Variants in EFCAB6 observed in about 807,000 individuals in gnomAD.
EFCAB6 encodes EF-hand calcium binding domain 6.
Under a neutral mutation model 169.8 loss-of-function variants are expected in EFCAB6, and 156 were observed. The ratio of observed to expected loss-of-function variants is 0.92; its 90% CI spans 0.81 to 1.05. The LOEUF is 1.05. Ranked by LOEUF, EFCAB6 falls within the 50% of genes least tolerant of loss-of-function variation. EFCAB6 has a pLI of 0.00. For synonymous variants in EFCAB6, 698 were observed against 676.4 expected, an observed-to-expected ratio of 1.03 and a Z score of -0.50; for missense variants, 1,800 against 1,829.1, an observed-to-expected ratio of 0.98 and a Z score of 0.29.
chr22:43,559,199 A>G (rs1464396914), intron 26 of EFCAB6, among the ~76,000 whole-genome samples: 1 of 152,266 alleles, frequency 6.6e-6, no homozygotes, highest in Non-Finnish European at 1.5e-5. Flanking sequence ...AAAGTGGGCA[A>G]AGGATATGAA....
chr22:43,792,568 G>A (rs963304526), intron 2 of EFCAB6, among the ~76,000 whole-genome samples: 2 of 152,154 alleles, frequency 1.3e-5, no homozygotes, highest in African/African-American at 4.8e-5. Flanking sequence ...ATTATTTATT[G>A]GGGACTCGCG....
chr22:43,546,943 CAAA>C (rs1366760921), intron 27 of EFCAB6, among the ~76,000 whole-genome samples: 1 of 150,722 alleles, frequency 6.6e-6, no homozygotes, highest in African/African-American at 2.4e-5. Context: ...AAAATATGGT[CAAA>C]AAAAGATATT....
In EFCAB6 at chr22:43,657,212, T is replaced by A. The variant is rs553242364; in HGVS notation, c.1983+9892A>T. Among the ~76,000 whole-genome samples the A allele has an allele frequency of 2.6e-5, 4 of 152,260 alleles. No individual in the cohort carries two copies. In the East Asian group the frequency reaches 7.7e-4, roughly 29 times the overall value. ...CAGGAAGCTGAGGTGGGAGGATTGC[T>A]TCAGCCCCGGAGGTGGAGGCTGTAG... On this transcript the variant is annotated intron_variant, in intron 17 of 31. Coordinates refer to ENST00000262726, the MANE Select transcript of EFCAB6 (RefSeq NM_022785.4).
rs903811699 is a variant in EFCAB6 at position 43,744,315 on chromosome 22, G to A, written c.508-8322C>T. On this transcript the variant is annotated intron_variant, in intron 6 of 31. Transcript: ENST00000262726. This position sits in a 1 kb window ranked among gnomAD's most constrained non-coding sequence, Gnocchi z 4.3. ...ATTGCAAGCCAAGACAATCCTTGTA[G>A]AGACAGGACAGGAACCTGCAAAAAG... 6.6e-6 allele frequency among the ~76,000 whole-genome samples: 1 copy of A among 152,078 alleles called. No homozygotes were observed. Among genetic ancestry groups the A allele is most frequent in the South Asian group, 2.1e-4 (1 of 4,818 alleles).
chr22:43,669,261 CA>C (rs1471335049), intron 15 of EFCAB6, among the ~76,000 whole-genome samples: 1 of 152,140 alleles, frequency 6.6e-6, no homozygotes, highest in African/African-American at 2.4e-5. Context: ...TTGTAACAGC[CA>C]AACATTACAT....
intron 8 of EFCAB6, among the ~76,000 whole-genome samples, chr22:43,726,813 T>C (rs965597793): frequency 6.6e-6 from 1 of 152,174 alleles, no homozygotes; most frequent in African/African-American, 2.4e-5. Flanking sequence ...GAAACAAAGA[T>C]GTCCCACCGC....
intron 24 of EFCAB6, among the ~76,000 whole-genome samples, chr22:43,584,585 C>A (rs1377914880): frequency 6.6e-6 from 1 of 152,046 alleles, no homozygotes; most frequent in Non-Finnish European, 1.5e-5. Context: ...TTCTCTATAA[C>A]AACTTTCCAA....
intron 26 of EFCAB6, among the ~76,000 whole-genome samples, chr22:43,571,593 A>G (rs1201389440): frequency 6.6e-6 from 1 of 152,190 alleles, no homozygotes; most frequent in African/African-American, 2.4e-5. Context: ...CTTCCCCTGC[A>G]GCCGCCCTGG....
chr22:43,661,823 T>C (rs2057015534), intron 17 of EFCAB6, among the ~76,000 whole-genome samples: 1 of 152,074 alleles, frequency 6.6e-6, no homozygotes, highest in Non-Finnish European at 1.5e-5. Flanking sequence ...TTAATAAATA[T>C]AGTTCATAGA....
chr22:43,591,467 A>AG (rs1420256683), intron 23 of EFCAB6, among the ~76,000 whole-genome samples: 3 of 142,262 alleles, frequency 2.1e-5, no homozygotes, highest in Non-Finnish European at 4.5e-5. Flanking sequence ...ATAAAAAAAA[A>AG]AAAAAAAAGA....
rs540155542 is a variant in EFCAB6, at chr22:43,701,612, G to A, written c.1031+9863C>T. On this transcript the variant is annotated intron_variant, in intron 10 of 31. Coordinates refer to ENST00000262726, the MANE Select transcript of EFCAB6 (RefSeq NM_022785.4). ...AAAACAGACACTAAAAACAATGGAGGAAATAACATATTATTTAATAAATGA... is the reference window on the plus strand; with the variant it reads ...AAAACAGACACTAAAAACAATGGAGAAAATAACATATTATTTAATAAATGA... Among the ~76,000 whole-genome samples the A allele has an allele frequency of 5.5e-3, 748 of 135,810 alleles. 10 individuals carry two copies. Among genetic ancestry groups the A allele is most frequent in the African/African-American group, 0.018 (712 of 40,122 alleles). The allele number at this position is 135,810 out of a possible 152,430, so 89.1% of individuals were successfully genotyped here. A position where few individuals can be genotyped will look rare whatever the true frequency, so the allele number is the denominator to read the frequency against.
At chr22:43,556,280 A>G (rs548989814) in intron 26 of EFCAB6, among the ~76,000 whole-genome samples, 1 of 152,288 alleles carries the variant, frequency 6.6e-6, no homozygotes, top group African/African-American at 2.4e-5. Flanking sequence ...TGCTGAAATC[A>G]GAGGAAGGCT....
chr22:43,632,771 C>G (rs534352901), intron 18 of EFCAB6, among the ~76,000 whole-genome samples: 1 of 152,336 alleles, frequency 6.6e-6, no homozygotes, highest in African/African-American at 2.4e-5. Flanking sequence ...AACCATGCTG[C>G]AGACTGTGGG....
chr22:43,602,700 C>A lies in EFCAB6; in HGVS notation c.2682-2437G>T, dbSNP rs60696704. On this transcript the variant is annotated intron_variant, in intron 22 of 31. Transcript: ENST00000262726. Reference sequence around the variant, plus strand: ...CTAACAGAATGGTCCACAGCCCACCCACCCACCTGACAAGCAGCCCCCAGG... The same window carrying A: ...CTAACAGAATGGTCCACAGCCCACCAACCCACCTGACAAGCAGCCCCCAGG... 0.013 allele frequency among the ~76,000 whole-genome samples: 1,964 copies of A among 152,202 alleles called. 97 individuals carry two copies. In the East Asian group the frequency reaches 0.14, roughly 11 times the overall value.
chr22:43,567,409 A>T (rs995420729), intron 26 of EFCAB6, among the ~76,000 whole-genome samples: 3 of 152,244 alleles, frequency 2.0e-5, no homozygotes, highest in African/African-American at 7.2e-5. Context: ...ATTCTATGCC[A>T]CTTAATCACA....
At chr22:43,784,589 A>ATGTGTATATATACATATATATG (rs377683689) in intron 2 of EFCAB6, among the ~76,000 whole-genome samples, 1 of 40,210 alleles carries the variant, frequency 2.5e-5, no homozygotes, top group Non-Finnish European at 5.5e-5. Flanking sequence ...ACACATATAT[A>ATGTGTATATATACATATATATG]TGTATATATA....
At chr22:43,737,780 TATTC>T (rs200235759) in intron 6 of EFCAB6, among the ~76,000 whole-genome samples, 1,481 of 147,172 alleles carry the variant, frequency 0.01, 33 homozygotes, top group African/African-American at 0.036. Context: ...CTCACACACA[TATTC>T]ATACACACAC....
intron 27 of EFCAB6, among the ~76,000 whole-genome samples, chr22:43,543,660 A>G (rs1175481227): frequency 6.6e-6 from 1 of 152,138 alleles, no homozygotes; most frequent in Non-Finnish European, 1.5e-5. Context: ...TAGCCGCCAG[A>G]GACAGGAGGC....
intron 25 of EFCAB6, among the ~76,000 whole-genome samples, chr22:43,578,755 A>C (rs1384859387): frequency 6.6e-6 from 1 of 151,820 alleles, no homozygotes; most frequent in Admixed American, 6.6e-5. Flanking sequence ...CACAGGCATT[A>C]TTCCCTACAA....
Sources: allele counts gnomAD v4.1 joint callset (sites outside exome capture counted in the v4.1 genomes callset), GRCh38; gene constraint gnomAD v4.1.1; non-coding constraint Gnocchi (gnomAD v3.1); transcripts MANE v1.5; gene names NCBI Gene and HGNC (gene_info 2026-07-23, HGNC 2026-07-21).